The following ADAMTS12 variants were observed in gnomAD, a reference collection of about 807,000 sequenced individuals.
ADAMTS12 encodes A disintegrin and metalloproteinase with thrombospondin motifs 12.
Under a neutral mutation model 167.8 loss-of-function variants are expected in ADAMTS12, and 118 were observed. The ratio of observed to expected loss-of-function variants is 0.70; its 90% confidence interval spans 0.61 to 0.82. The LOEUF (loss-of-function observed/expected upper bound fraction) is 0.82, where lower values mean the gene tolerates loss of function less well. Ranked by LOEUF, ADAMTS12 falls within the 40% of genes least tolerant of loss-of-function variation. The pLI, the probability that ADAMTS12 is intolerant of heterozygous loss-of-function variation, is 0.00. For missense variants in ADAMTS12, 1,916 were observed against 1,998.8 expected (o/e 0.96, Z 0.79); for synonymous variants, 704 against 716.9 (o/e 0.98, Z 0.29).
intron 2 of ADAMTS12, among the ~76,000 whole-genome samples, chr5:33,820,306 A>G (rs1016807836): frequency 3.3e-5 from 5 of 152,230 alleles, no homozygotes; most frequent in Admixed American, 3.3e-4. Flanking sequence ...TAAATTAAAC[A>G]TAAAGCAAAC....
intron 3 of ADAMTS12, among the ~76,000 whole-genome samples, chr5:33,721,156 A>T (rs1481303366): frequency 6.6e-6 from 1 of 152,144 alleles, no homozygotes; most frequent in African/African-American, 2.4e-5. Flanking sequence ...GAAACACCAA[A>T]AAGGCCAAAC....
At chr5:33,614,566 T>C (rs936164864) in intron 15 of ADAMTS12, among the ~76,000 whole-genome samples, 190 bp from the exon 16 acceptor site, 3 of 152,226 alleles carry the variant, frequency 2.0e-5, no homozygotes, top group Non-Finnish European at 4.4e-5. Context: ...TAAGTTCATA[T>C]CTATATATCT....
chr5:33,534,622 A>T (rs1439992231), intron 23 of ADAMTS12, among the ~76,000 whole-genome samples: 1 of 152,212 alleles, frequency 6.6e-6, no homozygotes, highest in African/African-American at 2.4e-5. Flanking sequence ...AATAATAATA[A>T]AAAAAGAAAA....
At chr5:33,531,961 A>G (rs1399303195) in intron 23 of ADAMTS12, among the ~76,000 whole-genome samples, 3 of 152,212 alleles carry the variant, frequency 2.0e-5, no homozygotes, top group East Asian at 3.9e-4. Flanking sequence ...TGAGCCCAAC[A>G]TGATGACAGG....
intron 3 of ADAMTS12, among the ~76,000 whole-genome samples, chr5:33,697,541 A>C (rs1742826746): frequency 1.3e-5 from 2 of 150,246 alleles, no homozygotes; most frequent in Non-Finnish European, 3.0e-5. Context: ...TTTATTCTTT[A>C]ATTCACAGTA....
At chr5:33,766,169 G>A (rs1031588786) in intron 2 of ADAMTS12, among the ~76,000 whole-genome samples, 1 of 152,064 alleles carries the variant, frequency 6.6e-6, no homozygotes, top group Non-Finnish European at 1.5e-5. Context: ...AAAAGAGAAG[G>A]AAAAAAGTTA....
intron 16 of ADAMTS12, among the ~76,000 whole-genome samples, chr5:33,612,334 G>A (rs758526502): frequency 6.6e-5 from 10 of 152,234 alleles, no homozygotes; most frequent in Non-Finnish European, 1.3e-4. Context: ...CATCTGGTGA[G>A]AATGTCCAAT....
intron 2 of ADAMTS12, among the ~76,000 whole-genome samples, chr5:33,832,825 C>T (rs1359887144): frequency 6.6e-6 from 1 of 152,206 alleles, no homozygotes; most frequent in Admixed American, 6.5e-5. Context: ...CGGACTCTCA[C>T]ATATGCACTA....
chr5:33,813,954 A>G (rs1479103663), intron 2 of ADAMTS12, among the ~76,000 whole-genome samples: 2 of 152,266 alleles, frequency 1.3e-5, no homozygotes, highest in Non-Finnish European at 2.9e-5. Flanking sequence ...GCAATAGGTA[A>G]GTAAAAATAG....
intron 3 of ADAMTS12, among the ~76,000 whole-genome samples, chr5:33,705,724 G>A (rs189869763): frequency 1.1e-4 from 17 of 152,130 alleles, no homozygotes; most frequent in South Asian, 2.1e-4. Context: ...CAGCAGAATC[G>A]CTTGAACCTG....
At chr5:33,653,088 G>A (rs1489302732) in intron 7 of ADAMTS12, among the ~76,000 whole-genome samples, 1 of 152,030 alleles carries the variant, frequency 6.6e-6, no homozygotes, top group African/African-American at 2.4e-5. Flanking sequence ...AATGGACATC[G>A]TTGTCTTGTT....
intron 1 of ADAMTS12, among the ~76,000 whole-genome samples, chr5:33,887,036 A>C (rs1164883462): frequency 6.6e-6 from 1 of 152,056 alleles, no homozygotes; most frequent in Non-Finnish European, 1.5e-5. Flanking sequence ...CAGAGACAGG[A>C]GAGAAGCCCA....
chr5:33,573,997 T>C (rs1295602249), intron 19 of ADAMTS12, among the ~76,000 whole-genome samples: 1 of 152,020 alleles, frequency 6.6e-6, no homozygotes, highest in African/African-American at 2.4e-5. Flanking sequence ...CATGAAAAAA[T>C]GCTCATCATC....
intron 1 of ADAMTS12, among the ~76,000 whole-genome samples, chr5:33,882,043 T>C (rs998799012): frequency 2.0e-5 from 3 of 152,166 alleles, no homozygotes; most frequent in Admixed American, 2.0e-4. Context: ...AGATGGGAAT[T>C]AATCCGTGAG....
chr5:33,534,815 G>A lies in ADAMTS12; in HGVS notation c.4606+18C>T. ...TGTGCAAAGATCTCTTTCTCCCCGA[G>A]CAAACCCATTCACCCACCGGCACTT... On this transcript the variant is annotated intron_variant, in intron 23 of 23. Coordinates refer to ENST00000504830, the MANE Select transcript of ADAMTS12 (RefSeq NM_030955.4). 6.2e-7 allele frequency: 1 copy of A among 1,605,114 alleles called. No homozygotes were observed. The highest frequency in any genetic ancestry group is 8.5e-7 in the Non-Finnish European group (1 of 1,176,912).
At chr5:33,738,281 T>C (rs980082084) in intron 3 of ADAMTS12, among the ~76,000 whole-genome samples, 3 of 149,558 alleles carry the variant, frequency 2.0e-5, no homozygotes, top group African/African-American at 7.3e-5. Context: ...AAACTACTGC[T>C]CTGTGGCCGT....
At chr5:33,629,288 G>A (rs927205254) in intron 13 of ADAMTS12, among the ~76,000 whole-genome samples, 25 of 152,176 alleles carry the variant, frequency 1.6e-4, no homozygotes, top group African/African-American at 6.0e-4. Flanking sequence ...AGATAAATAT[G>A]AAACTTCTCA....
At chr5:33,866,539 A>C (rs1438472073) in intron 2 of ADAMTS12, among the ~76,000 whole-genome samples, 2 of 152,186 alleles carry the variant, frequency 1.3e-5, no homozygotes, top group African/African-American at 4.8e-5. Context: ...GGCCTATGCA[A>C]AATATTTATG....
intron 17 of ADAMTS12, among the ~76,000 whole-genome samples, chr5:33,589,510 G>A (rs889009704): frequency 1.3e-5 from 2 of 151,808 alleles, no homozygotes; most frequent in Non-Finnish European, 2.9e-5. Flanking sequence ...AAATAAAATC[G>A]TTTTTTACTC....
Sources: allele counts gnomAD v4.1 joint callset (sites outside exome capture counted in the v4.1 genomes callset), GRCh38; gene constraint gnomAD v4.1.1; transcripts MANE v1.5; gene names NCBI Gene and HGNC (gene_info 2026-07-23, HGNC 2026-07-21).